STARD13: variants seen among roughly 807,000 people sequenced by gnomAD.
STARD13 encodes the protein stAR-related lipid transfer protein 13.
Under a neutral mutation model 106.4 loss-of-function variants are expected in STARD13, and 62 were observed. That is an observed-to-expected ratio of 0.58 (90% CI 0.48 to 0.72). The LOEUF is 0.72. Among genes scored for constraint, STARD13 ranks in the 30% least tolerant of loss-of-function variants. STARD13 has a pLI of 0.00. For missense variants in STARD13, 1,387 were observed against 1,424.0 expected, an observed-to-expected ratio of 0.97 and a Z score of 0.42; for synonymous variants, 565 against 553.0, an observed-to-expected ratio of 1.02 and a Z score of -0.31.
chr13:33,527,268 A>G, the STARD13 span, among the ~76,000 whole-genome samples: 5 of 151,884 alleles, frequency 3.3e-5, no homozygotes, highest in South Asian at 2.1e-4. Context: ...TAGTTCATAT[A>G]TTACTCAAAC....
the STARD13 span, among the ~76,000 whole-genome samples, chr13:33,496,480 T>C: frequency 2.6e-5 from 4 of 151,944 alleles, no homozygotes; most frequent in African/African-American, 7.2e-5. Flanking sequence ...GTATCATTTT[T>C]AATATACAGT....
At chr13:33,425,342 G>A in the STARD13 span, among the ~76,000 whole-genome samples, 17 of 152,242 alleles carry the variant, frequency 1.1e-4, no homozygotes, top group African/African-American at 4.1e-4. Flanking sequence ...CATAGTTGAC[G>A]GAACAGGTAG....
At chr13:33,536,065 G>A in the STARD13 span, among the ~76,000 whole-genome samples, 1 of 152,218 alleles carries the variant, frequency 6.6e-6, no homozygotes, top group Non-Finnish European at 1.5e-5. Flanking sequence ...CTCTAGATGT[G>A]ACATTCCATT....
chr13:33,217,583 C>A (rs1888116326), intron 1 of STARD13, among the ~76,000 whole-genome samples: 1 of 152,140 alleles, frequency 6.6e-6, no homozygotes, highest in Non-Finnish European at 1.5e-5. Flanking sequence ...GACCATGCGG[C>A]CTGGCCTTCT....
chr13:33,599,204 A>C, the STARD13 span, among the ~76,000 whole-genome samples: 1 of 152,190 alleles, frequency 6.6e-6, no homozygotes, highest in Admixed American at 6.5e-5. Context: ...GTAAGTAAAG[A>C]AATCTTACAT....
Position 33,126,087 on chromosome 13 carries a change from G to A in STARD13, c.2076C>T (p.Leu692=), listed in dbSNP as rs373241738. ...GGGGGGGTTACAGCCCTACCTGATC[G>A]AGGCAGTTGCTGCGTAGATATCTCA... ...QALRYLRSNC[L]DQVGLFRKSG... Residue 692 remains leucine, a synonymous_variant, in exon 7 of 14, where the codon CTC becomes CTT. Transcript: ENST00000336934. The A allele has an allele frequency of 4.2e-5, 68 of 1,613,796 alleles. No individual in the cohort carries two copies. The highest frequency in any genetic ancestry group is 4.8e-5 in the Non-Finnish European group (57 of 1,179,912).
intron 1 of STARD13, among the ~76,000 whole-genome samples, chr13:33,214,996 A>G (rs575595394): frequency 6.6e-6 from 1 of 152,154 alleles, no homozygotes; most frequent in Admixed American, 6.5e-5. Context: ...GTTCTACTGT[A>G]GTTTTTCCCC....
rs1324700611 is a variant in STARD13 at position 33,330,805 on chromosome 13, C to T, written c.124+19485G>A. On this transcript the variant is annotated intron_variant, in intron 1 of 5. Transcript: ENST00000567873. The stretch of plus-strand genomic sequence containing the variant: ...CCGAGGCTTGGAGTGAAGACGCCCC[C>T]AGAGACCGGAAACCCAGAATTTCCA... Among the ~76,000 whole-genome samples the T allele has an allele frequency of 3.3e-5, 5 of 152,148 alleles. No individual in the cohort carries two copies. In the South Asian group the frequency reaches 6.2e-4, roughly 19 times the overall value.
the STARD13 span, among the ~76,000 whole-genome samples, chr13:33,608,246 T>G: frequency 6.6e-6 from 1 of 152,166 alleles, no homozygotes; most frequent in Non-Finnish European, 1.5e-5. Flanking sequence ...AAGAACTTAT[T>G]GAGAGATGCA....
chr13:33,617,928 G>A, the STARD13 span, among the ~76,000 whole-genome samples: 6 of 152,196 alleles, frequency 3.9e-5, no homozygotes, highest in South Asian at 2.1e-4. Context: ...GGCATAGGTG[G>A]TCCTATTTTA....
At chr13:33,295,706 G>GT (rs530213637) in intron 1 of STARD13, among the ~76,000 whole-genome samples, 4 of 148,250 alleles carry the variant, frequency 2.7e-5, no homozygotes, top group African/African-American at 9.9e-5. Context: ...AGGGTGCCCG[G>GT]GGGGGGCAGA....
intron 1 of STARD13, chr13:33,349,348 A>G: frequency 1.5e-6 from 1 of 667,756 alleles, no homozygotes; most frequent in Admixed American, 2.1e-5. Flanking sequence ...GGGGTCCTAA[A>G]CCCTGCACTG....
intron 3 of STARD13, among the ~76,000 whole-genome samples, chr13:33,161,076 A>C (rs577143871): frequency 6.6e-6 from 1 of 152,380 alleles, no homozygotes; most frequent in South Asian, 2.1e-4. Context: ...AAGACTATTC[A>C]GAAATAGAAA....
the STARD13 span, among the ~76,000 whole-genome samples, chr13:33,528,257 C>CATATATATATATAT: frequency 1.7e-4 from 16 of 92,892 alleles, no homozygotes; most frequent in African/African-American, 1.0e-3. Flanking sequence ...TATATATATA[C>CATATATATATATAT]ATATATATAT....
chr13:33,369,174 A>G, the STARD13 span, among the ~76,000 whole-genome samples: 1 of 151,908 alleles, frequency 6.6e-6, no homozygotes, highest in African/African-American at 2.4e-5. Context: ...ACTTCTGTTT[A>G]GCTTCATCAG....
At chr13:33,310,503 C>A (rs568693819) in intron 1 of STARD13, among the ~76,000 whole-genome samples, 2 of 151,952 alleles carry the variant, frequency 1.3e-5, no homozygotes, top group African/African-American at 4.8e-5. Context: ...AACTCTCTTG[C>A]GATATAAAAC....
the STARD13 span, among the ~76,000 whole-genome samples, chr13:33,588,137 T>G: frequency 6.6e-6 from 1 of 152,124 alleles, no homozygotes; most frequent in Non-Finnish European, 1.5e-5. Flanking sequence ...TTGCTGGCTA[T>G]GCAGTGAGCT....
the STARD13 span, among the ~76,000 whole-genome samples, chr13:33,541,742 A>T: frequency 6.6e-6 from 1 of 152,240 alleles, no homozygotes; most frequent in Non-Finnish European, 1.5e-5. Context: ...AAGGCTGAAG[A>T]AATTTTCCAG....
chr13:33,530,981 A>G, the STARD13 span, among the ~76,000 whole-genome samples: 5 of 152,118 alleles, frequency 3.3e-5, no homozygotes, highest in Admixed American at 6.6e-5. Context: ...TCCCCACCCA[A>G]ATCTCATCTT....
Sources: gnomAD v4.1 joint callset for allele counts (sites outside exome capture counted in the v4.1 genomes callset) on GRCh38, gnomAD v4.1.1 for gene constraint, MANE v1.5 for transcripts, NCBI Gene and HGNC (gene_info 2026-07-23, HGNC 2026-07-21) for gene names.